Variants in LDLRAD3 observed in about 807,000 individuals in gnomAD.
LDLRAD3 encodes low-density lipoprotein receptor class A domain-containing protein 3.
LDLRAD3 carries 20 observed loss-of-function variants against 29.4 expected under a neutral mutation model. The ratio of observed to expected loss-of-function variants is 0.68; its 90% CI spans 0.48 to 0.99. The LOEUF is 0.99. LDLRAD3 is among the 50% of genes least tolerant of loss of function. LDLRAD3 has a pLI of 0.00. For synonymous variants in LDLRAD3, 157 were observed against 192.7 expected (o/e 0.81, Z 1.53); for missense variants, 420 against 454.3 (o/e 0.92, Z 0.69).
chr11:36,033,753 T>C (rs1209817396), intron 1 of LDLRAD3, among the ~76,000 whole-genome samples: 1 of 152,068 alleles, frequency 6.6e-6, no homozygotes, highest in Admixed American at 6.5e-5. Context: ...CCTTCTAGGG[T>C]CCCCCTCAAG....
chr11:36,211,650 C>T (rs185652524), intron 4 of LDLRAD3, among the ~76,000 whole-genome samples: 3 of 152,280 alleles, frequency 2.0e-5, no homozygotes, highest in African/African-American at 7.2e-5. Context: ...GCCTGCAGCT[C>T]CAGTGACTGC....
chr11:36,110,522 T>G (rs1466615450), intron 4 of LDLRAD3, among the ~76,000 whole-genome samples: 2 of 152,332 alleles, frequency 1.3e-5, no homozygotes, highest in East Asian at 3.9e-4. Flanking sequence ...CTAAGACTGC[T>G]GTGTTGTGCT....
At chr11:36,145,928 G>A (rs1046160111) in intron 4 of LDLRAD3, among the ~76,000 whole-genome samples, 1 of 151,112 alleles carries the variant, frequency 6.6e-6, no homozygotes, top group Non-Finnish European at 1.5e-5. Flanking sequence ...TTGTTTATCT[G>A]CTGACCTTCC....
In LDLRAD3 at chr11:35,987,497, G is replaced by C. The variant is rs113682391; in HGVS notation, c.46+43353G>C. ...CAATATTTAGCTCTCACTTATAAATGAGAACATACGGTATTTGGTTTTCTG... is the reference window on the plus strand; with the variant it reads ...CAATATTTAGCTCTCACTTATAAATCAGAACATACGGTATTTGGTTTTCTG... On this transcript the variant is annotated intron_variant, in intron 1 of 5. Transcript: ENST00000315571. 5.2e-3 allele frequency among the ~76,000 whole-genome samples: 793 copies of C among 152,258 alleles called. 18 individuals carry two copies. Among genetic ancestry groups the C allele is most frequent in the African/African-American group, 0.018 (765 of 41,554 alleles).
chr11:36,072,006 G>A (rs1852913025), intron 2 of LDLRAD3, among the ~76,000 whole-genome samples: 1 of 152,186 alleles, frequency 6.6e-6, no homozygotes, highest in South Asian at 2.1e-4. Flanking sequence ...TTCCTCCATG[G>A]TTTGACTTTT....
intron 4 of LDLRAD3, among the ~76,000 whole-genome samples, chr11:36,210,407 C>T (rs749020879): frequency 3.9e-5 from 6 of 152,080 alleles, no homozygotes; most frequent in Non-Finnish European, 8.8e-5. Context: ...CTGAGCTCTC[C>T]AGTCTGTCTT....
At chr11:36,177,936 T>A (rs1565281543) in intron 4 of LDLRAD3, among the ~76,000 whole-genome samples, 2 of 152,204 alleles carry the variant, frequency 1.3e-5, no homozygotes. Flanking sequence ...TAAGAGATTA[T>A]GTCTTTTGTC....
intron 2 of LDLRAD3, among the ~76,000 whole-genome samples, chr11:36,079,335 A>G (rs979477847): frequency 4.6e-5 from 7 of 152,248 alleles, no homozygotes; most frequent in African/African-American, 1.7e-4. Context: ...CCCAAGGATC[A>G]GTTTTTAAAT....
At chr11:36,088,881 C>A (rs1853235190) in intron 3 of LDLRAD3, among the ~76,000 whole-genome samples, 2 of 152,186 alleles carry the variant, frequency 1.3e-5, no homozygotes, top group Admixed American at 6.5e-5. Flanking sequence ...GTCAACTCAT[C>A]AGAGAGGCCT....
At chr11:36,178,681 A>G (rs1262555574) in intron 4 of LDLRAD3, among the ~76,000 whole-genome samples, 1 of 152,162 alleles carries the variant, frequency 6.6e-6, no homozygotes, top group East Asian at 1.9e-4. Context: ...TTCCCTTCAC[A>G]TGAAATATTC....
At chr11:35,978,629 T>G (rs182876188) in intron 1 of LDLRAD3, among the ~76,000 whole-genome samples, 24 of 152,316 alleles carry the variant, frequency 1.6e-4, no homozygotes, top group Non-Finnish European at 4.4e-5. Flanking sequence ...TTCGCTGTTT[T>G]CTTAGCCTCA....
intron 4 of LDLRAD3, among the ~76,000 whole-genome samples, chr11:36,210,734 A>G (rs1266897566): frequency 6.6e-6 from 1 of 152,176 alleles, no homozygotes; most frequent in Non-Finnish European, 1.5e-5. Context: ...GTATTGCTCA[A>G]CCACCCAGGG....
intron 4 of LDLRAD3, among the ~76,000 whole-genome samples, chr11:36,147,337 C>T (rs1854212568): frequency 6.6e-6 from 1 of 151,738 alleles, no homozygotes; most frequent in Non-Finnish European, 1.5e-5. Context: ...CCAGGATGGT[C>T]TCAATCTCCT....
chr11:36,166,746 A>T (rs1485598435), intron 4 of LDLRAD3, among the ~76,000 whole-genome samples: 2 of 152,184 alleles, frequency 1.3e-5, no homozygotes, highest in Admixed American at 6.5e-5. Context: ...TACTTCTCAA[A>T]TTGTAATGTA....
chr11:36,009,603 A>G (rs1357817818), intron 1 of LDLRAD3, among the ~76,000 whole-genome samples: 2 of 152,226 alleles, frequency 1.3e-5, no homozygotes, highest in Non-Finnish European at 2.9e-5. Context: ...CACCTCCACT[A>G]TAATCACTGT....
At chr11:35,982,700 A>G (rs536227620) in intron 1 of LDLRAD3, among the ~76,000 whole-genome samples, 14 of 151,776 alleles carry the variant, frequency 9.2e-5, no homozygotes, top group Non-Finnish European at 1.8e-4. Context: ...CTCTCTTCCC[A>G]TGCATGTTGT....
At chr11:35,988,075 T>C (rs1457288664) in intron 1 of LDLRAD3, among the ~76,000 whole-genome samples, 1 of 152,232 alleles carries the variant, frequency 6.6e-6, no homozygotes, top group Non-Finnish European at 1.5e-5. Context: ...GTTTGTTTTT[T>C]GAGACATGGT....
At chr11:36,013,900 G>A (rs371562450) in intron 1 of LDLRAD3, among the ~76,000 whole-genome samples, 6 of 152,134 alleles carry the variant, frequency 3.9e-5, no homozygotes, top group East Asian at 1.9e-4. Context: ...AGTGTTGTCC[G>A]CTAGGATCAG....
At chr11:36,155,421 G>C (rs915630842) in intron 4 of LDLRAD3, among the ~76,000 whole-genome samples, 3 of 152,106 alleles carry the variant, frequency 2.0e-5, no homozygotes, top group Non-Finnish European at 1.5e-5. Flanking sequence ...TGTTTGGAGA[G>C]AGCCCGCTGA....
Sources: gnomAD v4.1 joint callset for allele counts (sites outside exome capture counted in the v4.1 genomes callset) on GRCh38, gnomAD v4.1.1 for gene constraint, MANE v1.5 for transcripts, NCBI Gene and HGNC (gene_info 2026-07-23, HGNC 2026-07-21) for gene names.